ITGAE: variants seen among roughly 807,000 people sequenced by gnomAD.
ITGAE encodes integrin alpha-E.
A neutral mutation model predicts 136.5 loss-of-function variants in ITGAE; 99 were observed. That is an observed-to-expected ratio of 0.73 (90% CI 0.62 to 0.86). The LOEUF (loss-of-function observed/expected upper bound fraction) is 0.86. ITGAE is among the 40% of genes least tolerant of loss of function. The pLI, the probability that ITGAE is intolerant of heterozygous loss-of-function variation, is 0.00. For missense variants in ITGAE, 1,447 were observed against 1,515.3 expected, an observed-to-expected ratio of 0.95 and a Z score of 0.75; for synonymous variants, 613 against 591.8, an observed-to-expected ratio of 1.04 and a Z score of -0.52.
At chr17:3,779,580 T>C (rs1393993577) in intron 1 of ITGAE, among the ~76,000 whole-genome samples, 2 of 152,102 alleles carry the variant, frequency 1.3e-5, no homozygotes, top group African/African-American at 4.8e-5. Context: ...CCACCTGCCT[T>C]GGCCTCCCAA....
intron 8 of ITGAE, among the ~76,000 whole-genome samples, chr17:3,758,957 C>T (rs958654546): frequency 1.3e-5 from 2 of 151,588 alleles, no homozygotes; most frequent in Non-Finnish European, 2.9e-5. Context: ...AACCCCACCT[C>T]TATTAGAAAT....
chr17:3,758,110 G>A (rs1447471368), intron 8 of ITGAE, among the ~76,000 whole-genome samples: 1 of 152,188 alleles, frequency 6.6e-6, no homozygotes. Flanking sequence ...TTCCTCTTGT[G>A]TGCGTACAGG....
intron 8 of ITGAE, among the ~76,000 whole-genome samples, chr17:3,759,056 C>T (rs1450534426): frequency 1.3e-5 from 2 of 148,522 alleles, no homozygotes; most frequent in Non-Finnish European, 3.0e-5. Context: ...ACCTGGGAGG[C>T]GGAGCTTGCA....
chr17:3,769,077 TCTC>T (rs1642971524), intron 2 of ITGAE, among the ~76,000 whole-genome samples: 1 of 152,046 alleles, frequency 6.6e-6, no homozygotes, highest in Admixed American at 6.6e-5. Context: ...AGACCCAGCA[TCTC>T]CTTCCCTGCT....
intron 15 of ITGAE, 51 bp from the exon 16 acceptor site, chr17:3,750,533 G>A: frequency 6.2e-7 from 1 of 1,607,644 alleles, no homozygotes; most frequent in Non-Finnish European, 8.5e-7. Flanking sequence ...AGGGAAACGG[G>A]GCGGGGAGTC....
chr17:3,789,937 A>T (rs189984641), intron 1 of ITGAE, among the ~76,000 whole-genome samples: 23 of 151,370 alleles, frequency 1.5e-4, no homozygotes, highest in Admixed American at 6.6e-4. Flanking sequence ...AATGAAATAC[A>T]ATAATTAATT....
At chr17:3,760,141 TAA>T in intron 7 of ITGAE, 29 bp downstream of exon 7, 1 of 1,256,730 alleles carries the variant, frequency 8.0e-7, no homozygotes, top group Non-Finnish European at 1.2e-6. Context: ...CAGCAATAGA[TAA>T]GTGTTAACCA....
intron 3 of ITGAE, among the ~76,000 whole-genome samples, chr17:3,763,219 T>TTA (rs1489672423): frequency 2.0e-5 from 3 of 151,916 alleles, no homozygotes; most frequent in African/African-American, 4.8e-5. Flanking sequence ...TTCTATTTAT[T>TTA]TATATATATA....
At chr17:3,757,267 C>G in intron 9 of ITGAE, 133 bp from the exon 10 acceptor site, 2 of 1,152,158 alleles carry the variant, frequency 1.7e-6, no homozygotes, top group Non-Finnish European at 2.5e-6. Context: ...CCTCCTTTCC[C>G]TGCTCCCTGT....
chr17:3,729,150 T>C (rs1331308244), intron 24 of ITGAE, among the ~76,000 whole-genome samples: 1 of 152,192 alleles, frequency 6.6e-6, no homozygotes, highest in East Asian at 1.9e-4. Flanking sequence ...CTGGTTCATT[T>C]TCTAATTATC....
chr17:3,753,714 C>A, intron 13 of ITGAE, 69 bp downstream of exon 13: 1 of 1,585,168 alleles, frequency 6.3e-7, no homozygotes, highest in Non-Finnish European at 8.6e-7. Flanking sequence ...GTGGGACCCA[C>A]TCCTTTCCCT....
chr17:3,720,549 C>T (rs1159025368), intron 28 of ITGAE, 147 bp from the exon 29 acceptor site: 4 of 508,320 alleles, frequency 7.9e-6, no homozygotes, highest in African/African-American at 2.0e-5. Flanking sequence ...CATAAAGTTA[C>T]CCAAACAAGA....
Position 3,761,483 on chromosome 17 carries a change from A to C in ITGAE, c.353T>G (p.Leu118Arg), listed in dbSNP as rs1160887362. ...ACAGGTGCCTGTGAGTTCTGAGCTG[A>C]GGCTGTGAGGCCGCCGGACCAGCAC... ...IQVLVRRPHS[L>R]SSELTGTCSL... is the part of the protein sequence containing the mutation. The change falls in exon 5 of 31, where the codon CTC becomes CGC. Residue 118 changes from leucine (L) to arginine (R), a missense_variant. Coordinates refer to ENST00000263087, the MANE Select transcript of ITGAE (RefSeq NM_002208.5). The C allele has an allele frequency of 6.2e-7, 1 of 1,613,992 alleles. No individual in the cohort carries two copies. The highest frequency in any genetic ancestry group is 1.1e-5 in the South Asian group (1 of 91,064).
intron 6 of ITGAE, 87 bp from the exon 7 acceptor site, chr17:3,760,374 G>T: frequency 2.1e-6 from 1 of 481,098 alleles, no homozygotes; most frequent in Non-Finnish European, 3.8e-6. Flanking sequence ...CCCCACTGCA[G>T]CCCTGACAAC....
rs114219460 is a variant in ITGAE, at chr17:3,798,116, A to C, written c.34+2995T>G. 0.049 allele frequency among the ~76,000 whole-genome samples: 7,416 copies of C among 152,104 alleles called. 222 individuals are homozygous for C. The highest frequency in any genetic ancestry group is 0.05 in the African/African-American group (2,070 of 41,468). The stretch of plus-strand genomic sequence containing the variant: ...AGAAGGGCAGGGATGTGGGGCTCCC[A>C]CACGGCCCACACTCCCCCAGCCAGC... On this transcript the variant is annotated intron_variant, in intron 1 of 30. Coordinates refer to ENST00000263087, the MANE Select transcript of ITGAE (RefSeq NM_002208.5). The surrounding 1 kb of genome is among the most constrained non-coding windows in gnomAD (Gnocchi z 4.3).
At chr17:3,734,738 G>A (rs972502350) in intron 21 of ITGAE, 79 bp downstream of exon 21, 25 of 1,563,614 alleles carry the variant, frequency 1.6e-5, no homozygotes, top group Non-Finnish European at 1.9e-5. Context: ...GTGCCAGTGA[G>A]GGGGCCACCA....
chr17:3,760,437 T>TTTA lies in ITGAE; in HGVS notation c.599-151_599-150insTAA, dbSNP rs979451560. On this transcript the variant is annotated intron_variant, in intron 6 of 30. Coordinates refer to ENST00000263087, the MANE Select transcript of ITGAE (RefSeq NM_002208.5). ...AAGCTCCCAAGAGGGAAGCTTTTTT[T>TTTA]TTTTTTTTTTTTTTTTTTTTGAGAC... is the stretch of plus-strand genomic sequence containing the variant. 62 of 469,684 alleles carry TTTA rather than the reference T, an allele frequency of 1.3e-4. 3 individuals are homozygous for TTTA. In the South Asian group the frequency reaches 2.0e-3, roughly 15 times the overall value. The allele number at this position is 469,684 out of a possible 1,614,324, so 29.1% of individuals were successfully genotyped here. A position where few individuals can be genotyped will look rare whatever the true frequency, so the allele number is the denominator to read the frequency against.
intron 26 of ITGAE, 61 bp downstream of exon 26, chr17:3,727,858 C>T (rs2051250150): frequency 2.8e-6 from 3 of 1,060,246 alleles, no homozygotes; most frequent in Non-Finnish European, 3.0e-6. Context: ...GGTTTTTATA[C>T]TTGAGACTCT....
chr17:3,795,623 A>C (rs919317523), intron 1 of ITGAE, among the ~76,000 whole-genome samples: 3 of 152,248 alleles, frequency 2.0e-5, no homozygotes, highest in Non-Finnish European at 4.4e-5. Context: ...AAACAGAGAG[A>C]GGCCAGGGTC....
Sources: gnomAD v4.1 joint callset for allele counts (sites outside exome capture counted in the v4.1 genomes callset) on GRCh38, gnomAD v4.1.1 for gene constraint, Gnocchi (gnomAD v3.1) non-coding constraint, MANE v1.5 for transcripts, NCBI Gene and HGNC (gene_info 2026-07-23, HGNC 2026-07-21) for gene names.